The following AGBL4 variants were observed in gnomAD, a reference collection of about 807,000 sequenced individuals.
The protein encoded by AGBL4 is AGBL carboxypeptidase 4, also known as cytosolic carboxypeptidase 6.
In AGBL4, 58 loss-of-function variants were observed where a neutral mutation model predicts 66.4. The ratio of observed to expected loss-of-function variants is 0.87; its 90% CI spans 0.71 to 1.09. AGBL4 has a LOEUF of 1.09. Among genes scored for constraint, AGBL4 ranks in the 50% least tolerant of loss-of-function variants. The probability of loss-of-function intolerance (pLI) is 0.00; values close to 1 mark genes in which losing one functional copy is unlikely to be tolerated. For synonymous variants in AGBL4, 234 were observed against 222.9 expected (o/e 1.05, Z -0.44); for missense variants, 579 against 631.0 (o/e 0.92, Z 0.88).
Position 48,913,382 on chromosome 1 carries a change from A to G in AGBL4, c.595-46152T>C, listed in dbSNP as rs1411815007. On this transcript the variant is annotated intron_variant, in intron 5 of 13. Coordinates refer to ENST00000371839, the MANE Select transcript of AGBL4 (RefSeq NM_032785.4). ...CCAAATCCCAGTTCTGTGTCCTGTT[A>G]GGAACTGGGATGCACAGCAGGAGGT... 3.3e-5 allele frequency among the ~76,000 whole-genome samples: 5 copies of G among 152,316 alleles called. No homozygotes were observed. In the East Asian group the frequency reaches 9.7e-4, roughly 29 times the overall value.
At chr1:49,012,358 A>G (rs1662503362) in intron 5 of AGBL4, among the ~76,000 whole-genome samples, 1 of 152,198 alleles carries the variant, frequency 6.6e-6, no homozygotes, top group African/African-American at 2.4e-5. Flanking sequence ...ACAAAGACCA[A>G]AAAACATAAA....
At chr1:49,015,468 G>T (rs1163528151) in intron 5 of AGBL4, among the ~76,000 whole-genome samples, 1 of 149,016 alleles carries the variant, frequency 6.7e-6, no homozygotes, top group Non-Finnish European at 1.5e-5. Flanking sequence ...TGTCGCCCAG[G>T]CTGGAGTGCA....
At chr1:49,878,608 G>C (rs958088965) in intron 1 of AGBL4, among the ~76,000 whole-genome samples, 5 of 152,068 alleles carry the variant, frequency 3.3e-5, no homozygotes, top group African/African-American at 1.2e-4. Flanking sequence ...AATAGGTGTG[G>C]TGTGCTGCTG....
intron 4 of AGBL4, among the ~76,000 whole-genome samples, chr1:49,128,573 G>A (rs1323178108): frequency 6.6e-6 from 1 of 152,036 alleles, no homozygotes; most frequent in Admixed American, 6.6e-5. Context: ...ACAGAATGTG[G>A]TCAATTGATT....
At chr1:49,383,596 T>TA (rs902371125) in intron 3 of AGBL4, among the ~76,000 whole-genome samples, 1 of 151,936 alleles carries the variant, frequency 6.6e-6, no homozygotes, top group Non-Finnish European at 1.5e-5. Flanking sequence ...TATCCACATG[T>TA]AAAAAAATGA....
intron 1 of AGBL4, among the ~76,000 whole-genome samples, chr1:49,950,515 T>C (rs1656065796): frequency 1.3e-5 from 2 of 151,340 alleles, no homozygotes; most frequent in African/African-American, 4.8e-5. Context: ...AAGAACTTAC[T>C]CATGTAACCA....
At chr1:49,971,867 T>A (rs953224197) in intron 1 of AGBL4, among the ~76,000 whole-genome samples, 2 of 145,222 alleles carry the variant, frequency 1.4e-5, no homozygotes, top group African/African-American at 5.0e-5. Context: ...AAATTTTATT[T>A]ATTTTTATAT....
intron 3 of AGBL4, among the ~76,000 whole-genome samples, chr1:49,414,216 T>C (rs1212131229): frequency 6.6e-6 from 1 of 152,208 alleles, no homozygotes; most frequent in Non-Finnish European, 1.5e-5. Context: ...TAAGCCCATA[T>C]AGTGTAGTGC....
chr1:49,503,564 A>G (rs1221586700), intron 3 of AGBL4, among the ~76,000 whole-genome samples: 1 of 152,130 alleles, frequency 6.6e-6, no homozygotes. Flanking sequence ...GCCAGGATGG[A>G]TGCTGTACCC....
At chr1:49,174,447 A>T (rs1306005787) in intron 4 of AGBL4, among the ~76,000 whole-genome samples, 1 of 152,110 alleles carries the variant, frequency 6.6e-6, no homozygotes, top group Non-Finnish European at 1.5e-5. Context: ...AATAAATGTC[A>T]TATTTAGCAG....
chr1:48,966,957 AT>A (rs1401150871), intron 5 of AGBL4, among the ~76,000 whole-genome samples: 1 of 151,948 alleles, frequency 6.6e-6, no homozygotes, highest in Non-Finnish European at 1.5e-5. Context: ...ACTAAGGCTT[AT>A]TTTGTCAAGT....
intron 3 of AGBL4, among the ~76,000 whole-genome samples, chr1:49,569,315 G>C (rs1292973615): frequency 6.6e-6 from 1 of 152,020 alleles, no homozygotes; most frequent in Non-Finnish European, 1.5e-5. Flanking sequence ...CAATTTGATA[G>C]CTCAACAAGG....
chr1:48,952,710 AAGAT>A (rs1300367462), intron 5 of AGBL4, among the ~76,000 whole-genome samples: 2 of 152,198 alleles, frequency 1.3e-5, no homozygotes, highest in African/African-American at 4.8e-5. Flanking sequence ...AGATAGGTGG[AAGAT>A]GATGGGCTTT....
At chr1:48,771,043 G>A (rs540139828) in intron 6 of AGBL4, among the ~76,000 whole-genome samples, 2 of 152,310 alleles carry the variant, frequency 1.3e-5, no homozygotes, top group South Asian at 4.1e-4. Context: ...TGTAGAATAT[G>A]TGCACTGAAC....
At chr1:49,554,942 C>T (rs1653295923) in intron 3 of AGBL4, among the ~76,000 whole-genome samples, 1 of 152,106 alleles carries the variant, frequency 6.6e-6, no homozygotes, top group African/African-American at 2.4e-5. Flanking sequence ...TGCAGACCTT[C>T]ACGGTGAGTG....
rs576585240 is a variant in AGBL4 at position 48,571,596 on chromosome 1, C to A, written c.1267+15408G>T. Reference sequence around the variant, plus strand: ...CCAGAGGCCACTGCCTCCTACTGGGCCCCCACATGGATTCCCAGGTGAGAT... The same window carrying A: ...CCAGAGGCCACTGCCTCCTACTGGGACCCCACATGGATTCCCAGGTGAGAT... On this transcript the variant is annotated intron_variant, in intron 11 of 13. Coordinates refer to ENST00000371839, the MANE Select transcript of AGBL4 (RefSeq NM_032785.4). Among the ~76,000 whole-genome samples, 4 of 152,290 alleles carry A rather than the reference C, an allele frequency of 2.6e-5. No individual in the cohort carries two copies. In the East Asian group the frequency reaches 5.8e-4, roughly 22 times the overall value.
At chr1:49,425,667 T>G (rs1292002586) in intron 3 of AGBL4, among the ~76,000 whole-genome samples, 1 of 152,234 alleles carries the variant, frequency 6.6e-6, no homozygotes, top group Non-Finnish European at 1.5e-5. Context: ...ATTAATTACT[T>G]TCAATGTCAG....
chr1:48,522,958 C>T, the AGBL4 span, among the ~76,000 whole-genome samples: 3 of 151,780 alleles, frequency 2.0e-5, no homozygotes, highest in African/African-American at 4.8e-5. Flanking sequence ...AACTTCACTA[C>T]CTAGTCCTCA....
At chr1:49,335,717 A>T (rs533807611) in intron 3 of AGBL4, among the ~76,000 whole-genome samples, 4 of 152,162 alleles carry the variant, frequency 2.6e-5, no homozygotes, top group East Asian at 1.9e-4. Flanking sequence ...GGGTTTCACC[A>T]TGTTAGTCAG....
Sources: gnomAD v4.1 joint callset for allele counts (sites outside exome capture counted in the v4.1 genomes callset) on GRCh38, gnomAD v4.1.1 for gene constraint, MANE v1.5 for transcripts, NCBI Gene and HGNC (gene_info 2026-07-23, HGNC 2026-07-21) for gene names.